UBAC2: variants seen among roughly 807,000 people sequenced by gnomAD.
The protein encoded by UBAC2 is UBA domain containing 2.
UBAC2 carries 26 observed loss-of-function variants against 44.0 expected under a neutral mutation model. That is an observed-to-expected ratio of 0.59 (90% CI 0.43 to 0.82). The LOEUF (loss-of-function observed/expected upper bound fraction) is 0.82. UBAC2 is among the 40% of genes least tolerant of loss of function. UBAC2 has a pLI of 0.00. For missense variants in UBAC2, 329 were observed against 419.4 expected (o/e 0.78, Z 1.88); for synonymous variants, 155 against 154.3 (o/e 1.00, Z -0.04).
chr13:99,288,412 A>G (rs1311860760), intron 4 of UBAC2, among the ~76,000 whole-genome samples: 2 of 152,206 alleles, frequency 1.3e-5, no homozygotes, highest in African/African-American at 4.8e-5. Flanking sequence ...TAGCATGCAG[A>G]TAGACAACAG....
At chr13:99,251,390 A>G (rs1232184064) in intron 4 of UBAC2, among the ~76,000 whole-genome samples, 24 of 152,182 alleles carry the variant, frequency 1.6e-4, no homozygotes, top group Non-Finnish European at 5.9e-5. Context: ...TGCTCTGGCT[A>G]GGACTTCTGG....
In UBAC2 at chr13:99,216,430, A is replaced by G. The variant is rs377431553; in HGVS notation, c.31+15491A>G. Reference sequence around the variant, plus strand: ...CAGTGTGTTTATTTTTATAGTTACCACCTATTAATGAGAAAGCAACACTTG... The same window carrying G: ...CAGTGTGTTTATTTTTATAGTTACCGCCTATTAATGAGAAAGCAACACTTG... On this transcript the variant is annotated intron_variant, in intron 1 of 8. Coordinates refer to ENST00000403766, the MANE Select transcript of UBAC2 (RefSeq NM_001144072.2). Among the ~76,000 whole-genome samples the G allele has an allele frequency of 2.6e-5, 4 of 152,144 alleles. No individual in the cohort carries two copies. In the East Asian group the frequency reaches 7.7e-4, roughly 29 times the overall value.
At chr13:99,378,616 C>T (rs1046521368) in intron 8 of UBAC2, among the ~76,000 whole-genome samples, 4 of 152,234 alleles carry the variant, frequency 2.6e-5, no homozygotes, top group Admixed American at 2.6e-4. Context: ...GTTAGGAGGT[C>T]AGGCATCATT....
chr13:99,268,502 G>C (rs529403856), intron 4 of UBAC2, among the ~76,000 whole-genome samples: 1 of 151,538 alleles, frequency 6.6e-6, no homozygotes, highest in East Asian at 2.0e-4. Context: ...CAGCTACCTA[G>C]GAGGCTGAGG....
chr13:99,229,864 G>T (rs914983720), intron 1 of UBAC2, among the ~76,000 whole-genome samples: 1 of 152,220 alleles, frequency 6.6e-6, no homozygotes, highest in Admixed American at 6.5e-5. Context: ...GCGACATTGA[G>T]AATTAAAGGG....
At chr13:99,370,771 A>T (rs1456018163) in intron 8 of UBAC2, among the ~76,000 whole-genome samples, 1 of 152,138 alleles carries the variant, frequency 6.6e-6, no homozygotes, top group Non-Finnish European at 1.5e-5. Context: ...CCACTTCTCC[A>T]CTCAGACTGA....
chr13:99,251,030 G>A (rs887143508), intron 4 of UBAC2, among the ~76,000 whole-genome samples: 1 of 152,120 alleles, frequency 6.6e-6, no homozygotes, highest in Non-Finnish European at 1.5e-5. Flanking sequence ...TGGGATTATA[G>A]GCATGAGCCA....
intron 6 of UBAC2, among the ~76,000 whole-genome samples, chr13:99,328,005 T>G (rs1594131802): frequency 6.6e-6 from 1 of 152,154 alleles, no homozygotes; most frequent in Non-Finnish European, 1.5e-5. Flanking sequence ...CCATGCTCTT[T>G]CCCCACATCC....
intron 1 of UBAC2, among the ~76,000 whole-genome samples, chr13:99,206,746 T>G (rs911850928): frequency 5.3e-5 from 8 of 152,222 alleles, no homozygotes; most frequent in Non-Finnish European, 1.2e-4. Flanking sequence ...TCAGCTAAGT[T>G]TCTGGGATTC....
intron 7 of UBAC2, among the ~76,000 whole-genome samples, chr13:99,366,822 G>A (rs2045337497): frequency 6.6e-6 from 1 of 152,086 alleles, no homozygotes; most frequent in South Asian, 2.1e-4. Context: ...CACAGTGTGC[G>A]GCTCTGCTTC....
chr13:99,201,650 C>CGT, intron 1 of UBAC2: 1 of 1,472,434 alleles, frequency 6.8e-7, no homozygotes, highest in Non-Finnish European at 9.3e-7. Context: ...AGGTAGACTG[C>CGT]GTGTTAACAG....
intron 1 of UBAC2, among the ~76,000 whole-genome samples, chr13:99,202,873 A>G (rs966420328): frequency 7.9e-5 from 12 of 152,196 alleles, no homozygotes; most frequent in African/African-American, 2.7e-4. Context: ...GAATGCAGCA[A>G]CGAACAGGTC....
chr13:99,256,887 G>A (rs185929838), intron 4 of UBAC2, among the ~76,000 whole-genome samples: 1 of 152,214 alleles, frequency 6.6e-6, no homozygotes, highest in African/African-American at 2.4e-5. Context: ...ATATGGAGGT[G>A]GATGAAAAGT....
chr13:99,232,075 G>A (rs968748701), intron 1 of UBAC2, among the ~76,000 whole-genome samples: 4 of 152,134 alleles, frequency 2.6e-5, no homozygotes, highest in Admixed American at 6.6e-5. Flanking sequence ...ATTTATATAG[G>A]TTAATGTGTG....
chr13:99,361,189 ATCT>A (rs1042728147), intron 7 of UBAC2, among the ~76,000 whole-genome samples: 2 of 152,232 alleles, frequency 1.3e-5, no homozygotes, highest in African/African-American at 2.4e-5. Context: ...TTCATTTGAA[ATCT>A]TCTTACAAAC....
intron 1 of UBAC2, among the ~76,000 whole-genome samples, chr13:99,224,158 G>A (rs548464950): frequency 2.0e-5 from 3 of 152,304 alleles, no homozygotes; most frequent in African/African-American, 7.2e-5. Flanking sequence ...GTTTTGGCGG[G>A]TTTGGTTTCT....
chr13:99,343,318 C>T (rs1054918661), intron 7 of UBAC2, among the ~76,000 whole-genome samples: 2 of 152,198 alleles, frequency 1.3e-5, no homozygotes, highest in Non-Finnish European at 2.9e-5. Context: ...CAGGATTCTA[C>T]GGACCCCCAT....
chr13:99,370,444 A>G (rs530572082), intron 8 of UBAC2, among the ~76,000 whole-genome samples: 1 of 152,368 alleles, frequency 6.6e-6, no homozygotes, highest in Admixed American at 6.5e-5. Flanking sequence ...AAAGAAAGTT[A>G]AGAGTGTTGC....
At chr13:99,251,233 C>G (rs1009701447) in intron 4 of UBAC2, among the ~76,000 whole-genome samples, 1 of 152,118 alleles carries the variant, frequency 6.6e-6, no homozygotes, top group African/African-American at 2.4e-5. Context: ...TTTGGCATCC[C>G]GAAACTCTAG....
Sources: gnomAD v4.1 joint callset for allele counts (sites outside exome capture counted in the v4.1 genomes callset) on GRCh38, gnomAD v4.1.1 for gene constraint, MANE v1.5 for transcripts, NCBI Gene and HGNC (gene_info 2026-07-23, HGNC 2026-07-21) for gene names.